Variants in FGGY observed in about 807,000 individuals in gnomAD.
The protein encoded by FGGY is FGGY carbohydrate kinase domain-containing protein.
In FGGY, 72 loss-of-function variants were observed where a neutral mutation model predicts 71.3. That is an observed-to-expected ratio of 1.01 (90% CI 0.84 to 1.23). FGGY has a LOEUF of 1.23. FGGY is among the 50% of genes most tolerant of loss of function. The pLI is 0.00. For missense variants in FGGY, 668 were observed against 682.3 expected, an observed-to-expected ratio of 0.98 and a Z score of 0.23; for synonymous variants, 251 against 250.3, an observed-to-expected ratio of 1.00 and a Z score of -0.02.
chr1:59,550,577 G>A (rs190725535), intron 7 of FGGY, among the ~76,000 whole-genome samples: 3 of 152,122 alleles, frequency 2.0e-5, no homozygotes, highest in Non-Finnish European at 4.4e-5. Flanking sequence ...GAGAAGCACT[G>A]TGTATATACT....
intron 4 of FGGY, among the ~76,000 whole-genome samples, chr1:59,363,446 A>G (rs964268266): frequency 1.3e-5 from 2 of 152,160 alleles, no homozygotes; most frequent in Non-Finnish European, 2.9e-5. Context: ...TCCCCCATCA[A>G]CCCTATGGCA....
chr1:59,415,501 A>G (rs1217003128), intron 5 of FGGY, among the ~76,000 whole-genome samples: 1 of 152,220 alleles, frequency 6.6e-6, no homozygotes, highest in Non-Finnish European at 1.5e-5. Flanking sequence ...TCACAGCTGC[A>G]GCATAGCTGA....
chr1:59,512,505 A>G lies in FGGY; in HGVS notation c.799+66A>G, dbSNP rs1166575666. On this transcript the variant is annotated intron_variant, in intron 7 of 15. Coordinates refer to ENST00000303721, the MANE Select transcript of FGGY (RefSeq NM_018291.5). ...AATGGAATATTCCCTAGAACCGAAG[A>G]CACTCCTTTTCTGTTTTTAAAGCAA... 11 of 1,509,568 alleles carry G rather than the reference A, an allele frequency of 7.3e-6. No individual in the cohort carries two copies. In the Admixed American group the frequency reaches 1.8e-4, roughly 24 times the overall value. 93.5% of individuals were successfully genotyped at this position (1,509,568 alleles called of 1,614,324 possible). A position where few individuals can be genotyped will look rare whatever the true frequency, so the allele number is the denominator to read the frequency against.
chr1:59,534,453 A>G (rs2095256200), intron 7 of FGGY, among the ~76,000 whole-genome samples: 5 of 152,054 alleles, frequency 3.3e-5, no homozygotes, highest in South Asian at 4.1e-4. Flanking sequence ...AAGGCAGGCC[A>G]ACATTCAGAT....
chr1:59,341,399 C>G (rs1343154111), intron 3 of FGGY, among the ~76,000 whole-genome samples: 1 of 152,074 alleles, frequency 6.6e-6, no homozygotes, highest in Non-Finnish European at 1.5e-5. Context: ...ATTTGCATCC[C>G]TTTTCACTAT....
At chr1:59,648,993 T>G (rs972950306) in intron 11 of FGGY, among the ~76,000 whole-genome samples, 4 of 151,524 alleles carry the variant, frequency 2.6e-5, no homozygotes, top group African/African-American at 4.9e-5. Flanking sequence ...CCAGCACCAT[T>G]TATTAAATAG....
chr1:59,748,982 G>A (rs2098223176), intron 14 of FGGY, among the ~76,000 whole-genome samples: 1 of 152,078 alleles, frequency 6.6e-6, no homozygotes, highest in Admixed American at 6.6e-5. Flanking sequence ...ATCACCGATG[G>A]CCAATGATTT....
intron 1 of FGGY, among the ~76,000 whole-genome samples, chr1:59,306,167 T>C (rs1240746275): frequency 6.6e-6 from 1 of 152,172 alleles, no homozygotes; most frequent in East Asian, 1.9e-4. Context: ...GAGGTAAATA[T>C]GGTTCCTGTC....
At chr1:59,403,711 G>A (rs749380033) in intron 5 of FGGY, among the ~76,000 whole-genome samples, 5 of 152,188 alleles carry the variant, frequency 3.3e-5, no homozygotes, top group Non-Finnish European at 7.3e-5. Flanking sequence ...GTGTTGGGGA[G>A]CATTTAGAGA....
At chr1:59,402,645 A>G (rs2062123720) in intron 5 of FGGY, among the ~76,000 whole-genome samples, 2 of 152,206 alleles carry the variant, frequency 1.3e-5, no homozygotes, top group Non-Finnish European at 2.9e-5. Context: ...CTTGGTAATT[A>G]TTCACTAAGC....
At chr1:59,297,854 A>T (rs2042195472) in intron 1 of FGGY, among the ~76,000 whole-genome samples, 1 of 151,890 alleles carries the variant, frequency 6.6e-6, no homozygotes, top group Non-Finnish European at 1.5e-5. Context: ...CAAAATGGTG[A>T]ATTTCCCTCA....
At chr1:59,539,163 T>G (rs571040267) in intron 7 of FGGY, among the ~76,000 whole-genome samples, 2 of 152,192 alleles carry the variant, frequency 1.3e-5, no homozygotes, top group Non-Finnish European at 2.9e-5. Flanking sequence ...GTTCATTGAT[T>G]GGAAAACAGT....
Position 59,762,569 on chromosome 1 carries a change from C to T in FGGY, c.1641C>T (p.Ile547=), listed in dbSNP as rs1470091609. The T allele has an allele frequency of 2.5e-6, 4 of 1,613,724 alleles. No homozygotes were observed. Among genetic ancestry groups the T allele is most frequent in the Non-Finnish European group, 3.4e-6 (4 of 1,179,754 alleles). Residue 547 remains isoleucine, a synonymous_variant, in exon 16 of 16, where the codon ATC becomes ATT. Transcript: ENST00000303721. ...LVEHQKEYLA[I]MNDD ...AACACCAGAAGGAGTATTTGGCGAT[C>T]ATGAATGATGACTGAACAGGGCTTG...
At chr1:59,474,844 C>T (rs2093180740) in intron 6 of FGGY, among the ~76,000 whole-genome samples, 1 of 152,204 alleles carries the variant, frequency 6.6e-6, no homozygotes, top group Admixed American at 6.5e-5. Context: ...TCAATTCTGA[C>T]TGTCATCTGT....
At chr1:59,587,712 T>G (rs1295392796) in intron 8 of FGGY, among the ~76,000 whole-genome samples, 3 of 152,000 alleles carry the variant, frequency 2.0e-5, no homozygotes, top group Non-Finnish European at 4.4e-5. Context: ...TCTAGCAAAC[T>G]CCAACAGACC....
At chr1:59,483,398 T>G (rs574003861) in intron 6 of FGGY, among the ~76,000 whole-genome samples, 1 of 152,318 alleles carries the variant, frequency 6.6e-6, no homozygotes, top group South Asian at 2.1e-4. Context: ...GCGAGATGCC[T>G]ATCAACTATG....
At chr1:59,619,521 A>G (rs1393306130) in intron 9 of FGGY, among the ~76,000 whole-genome samples, 1 of 152,018 alleles carries the variant, frequency 6.6e-6, no homozygotes, top group African/African-American at 2.4e-5. Flanking sequence ...ACCTGGGGGA[A>G]GAATATACCA....
rs6687383 is a variant in FGGY, at chr1:59,623,979, T to C, written c.1012-2009T>C. On this transcript the variant is annotated intron_variant, in intron 9 of 15. Transcript: ENST00000303721. Reference sequence around the variant, plus strand: ...TTAGCATCAAATCAAGTAATGCCTCTAATTATCCATTACTGTTCCCAGCGA... The same window carrying C: ...TTAGCATCAAATCAAGTAATGCCTCCAATTATCCATTACTGTTCCCAGCGA... 8.2e-3 allele frequency among the ~76,000 whole-genome samples: 1,253 copies of C among 152,278 alleles called. 21 individuals are homozygous for C. Among genetic ancestry groups the C allele is most frequent in the African/African-American group, 0.029 (1,194 of 41,556 alleles).
chr1:59,359,659 A>G (rs544770548), intron 4 of FGGY, among the ~76,000 whole-genome samples: 11 of 152,270 alleles, frequency 7.2e-5, no homozygotes, highest in Admixed American at 1.3e-4. Flanking sequence ...CTGGATTCCT[A>G]TAAAGGCTCC....
Sources: gnomAD v4.1 joint callset for allele counts (sites outside exome capture counted in the v4.1 genomes callset) on GRCh38, gnomAD v4.1.1 for gene constraint, MANE v1.5 for transcripts, NCBI Gene and HGNC (gene_info 2026-07-23, HGNC 2026-07-21) for gene names.